Variants in PTPRM observed in about 807,000 individuals in gnomAD.
PTPRM encodes protein tyrosine phosphatase receptor type M, also known as receptor-type tyrosine-protein phosphatase mu.
Under a neutral mutation model 186.7 loss-of-function variants are expected in PTPRM, and 47 were observed. The observed-to-expected ratio is 0.25, with a 90% confidence interval of 0.20 to 0.32. The LOEUF is 0.32. PTPRM is among the 10% of genes least tolerant of loss of function. PTPRM has a pLI of 1.00. For synonymous variants in PTPRM, 668 were observed against 674.9 expected, an observed-to-expected ratio of 0.99 and a Z score of 0.16; for missense variants, 1,494 against 1,865.0, an observed-to-expected ratio of 0.80 and a Z score of 3.66.
At chr18:7,727,318 T>G (rs73939351) in intron 1 of PTPRM, among the ~76,000 whole-genome samples, 4,140 of 152,272 alleles carry the variant, frequency 0.027, 176 homozygotes, top group African/African-American at 0.094. Flanking sequence ...TACACATGCA[T>G]TATATTTTCA....
chr18:8,401,705 C>T (rs1036859998), intron 32 of PTPRM, among the ~76,000 whole-genome samples: 3 of 152,224 alleles, frequency 2.0e-5, no homozygotes, highest in African/African-American at 7.2e-5. Context: ...CGACAAGGCT[C>T]GGGCCCCTGA....
chr18:8,370,299 C>T (rs761863125), intron 23 of PTPRM, among the ~76,000 whole-genome samples: 2 of 152,080 alleles, frequency 1.3e-5, no homozygotes, highest in Non-Finnish European at 2.9e-5. Flanking sequence ...ATGCAAAATT[C>T]TTCCACCTGA....
At chr18:8,378,593 C>T (rs2095711142) in intron 27 of PTPRM, among the ~76,000 whole-genome samples, 179 bp downstream of exon 27, 1 of 152,144 alleles carries the variant, frequency 6.6e-6, no homozygotes, top group African/African-American at 2.4e-5. Flanking sequence ...ATCACCACCA[C>T]ACAAAAATGT....
intron 7 of PTPRM, among the ~76,000 whole-genome samples, chr18:7,995,057 A>G (rs968335671): frequency 2.0e-5 from 3 of 152,032 alleles, no homozygotes; most frequent in African/African-American, 7.2e-5. Context: ...AAGATAAAAT[A>G]GATAAACCTT....
chr18:7,676,958 A>G (rs1243395159), intron 1 of PTPRM, among the ~76,000 whole-genome samples: 1 of 152,206 alleles, frequency 6.6e-6, no homozygotes, highest in African/African-American at 2.4e-5. Flanking sequence ...GAAGTCACTG[A>G]TAAGCCAAGA....
At chr18:8,335,411 CT>C (rs929517618) in intron 22 of PTPRM, among the ~76,000 whole-genome samples, 1 of 152,212 alleles carries the variant, frequency 6.6e-6, no homozygotes. Flanking sequence ...GGCCTTCAGA[CT>C]TTTCTTCTTG....
intron 5 of PTPRM, among the ~76,000 whole-genome samples, chr18:7,945,079 G>T (rs564604137): frequency 1.3e-5 from 2 of 152,270 alleles, no homozygotes; most frequent in Admixed American, 1.3e-4. Context: ...AGAGGGACCA[G>T]TGGCTTTATG....
At chr18:8,198,863 T>C (rs949731523) in intron 14 of PTPRM, among the ~76,000 whole-genome samples, 1 of 152,108 alleles carries the variant, frequency 6.6e-6, no homozygotes, top group Admixed American at 6.5e-5. Context: ...ATTAAGGTGA[T>C]ATATTTAACT....
At chr18:7,629,050 T>A (rs144479176) in intron 1 of PTPRM, among the ~76,000 whole-genome samples, 101 of 152,302 alleles carry the variant, frequency 6.6e-4, no homozygotes, top group African/African-American at 2.2e-3. Flanking sequence ...ATGGAACCAC[T>A]TACACTGATA....
intron 14 of PTPRM, among the ~76,000 whole-genome samples, chr18:8,219,328 G>T (rs796484281): frequency 6.6e-6 from 1 of 152,024 alleles, no homozygotes; most frequent in African/African-American, 2.4e-5. Flanking sequence ...TTAGCCGGGC[G>T]TGGTGGAGGA....
chr18:8,293,719 C>T (rs989965864), intron 19 of PTPRM, among the ~76,000 whole-genome samples: 1 of 152,096 alleles, frequency 6.6e-6, no homozygotes, highest in Non-Finnish European at 1.5e-5. Flanking sequence ...GAGTATCTGA[C>T]TTTAAAATCC....
At position 7,955,233 on chromosome 18, in the gene PTPRM, G is replaced by A. The variant is rs1309037397; in HGVS notation, c.951G>A (p.Glu317=). Residue 317 remains glutamate (E), a synonymous_variant, in exon 7 of 33, where the codon GAG becomes GAA. Coordinates refer to ENST00000580170, the MANE Select transcript of PTPRM (RefSeq NM_001105244.2). ...GGGATGGGCCCATTGTGGCCCGAGAGGTGGAGTACTGCACGGCCAGTGGGA... is the reference window on the plus strand; with the variant it reads ...GGGATGGGCCCATTGTGGCCCGAGAAGTGGAGTACTGCACGGCCAGTGGGA... ...INGDGPIVAR[E]VEYCTASGSW... The A allele has an allele frequency of 2.5e-6, 4 of 1,614,168 alleles. No homozygotes were observed. Among genetic ancestry groups the A allele is most frequent in the East Asian group, 2.2e-5 (1 of 44,862 alleles).
At chr18:8,230,265 CAG>C (rs2094269762) in intron 14 of PTPRM, among the ~76,000 whole-genome samples, 1 of 152,180 alleles carries the variant, frequency 6.6e-6, no homozygotes, top group Non-Finnish European at 1.5e-5. Flanking sequence ...GAATGAAGAA[CAG>C]AGAGTGGCTG....
rs1173209285 is a variant in PTPRM, at chr18:8,376,313, C to T, written c.3326+113C>T. 6 of 1,532,408 alleles carry T rather than the reference C, an allele frequency of 3.9e-6. No individual in the cohort carries two copies. In the East Asian group the frequency reaches 1.2e-4, roughly 30 times the overall value. The allele number at this position is 1,532,408 out of a possible 1,614,324, so 94.9% of individuals were successfully genotyped here. On this transcript the variant is annotated intron_variant, in intron 25 of 32. Transcript: ENST00000580170. The stretch of plus-strand genomic sequence containing the variant: ...CTTCAGAGGGGTGATGATTGCACAA[C>T]ATTTTGGGAGCACTAAATGCCACTG...
intron 7 of PTPRM, among the ~76,000 whole-genome samples, chr18:7,995,043 T>G (rs1366048113): frequency 1.3e-5 from 2 of 151,900 alleles, no homozygotes; most frequent in East Asian, 3.8e-4. Context: ...TTTGGTTTTC[T>G]GAAAAGATAA....
At chr18:7,903,327 C>G (rs1185360345) in intron 3 of PTPRM, among the ~76,000 whole-genome samples, 6 of 152,206 alleles carry the variant, frequency 3.9e-5, no homozygotes, top group Non-Finnish European at 8.8e-5. Flanking sequence ...CACCCATGCT[C>G]TTGGGTAGCT....
chr18:8,183,243 T>C (rs2093600663), intron 14 of PTPRM, among the ~76,000 whole-genome samples: 1 of 152,232 alleles, frequency 6.6e-6, no homozygotes, highest in Non-Finnish European at 1.5e-5. Context: ...TGATTAAAAA[T>C]ATTTAACTCT....
At chr18:7,705,279 T>TTATCTATC (rs67662119) in intron 1 of PTPRM, among the ~76,000 whole-genome samples, 2,679 of 146,580 alleles carry the variant, frequency 0.018, 27 homozygotes, top group Non-Finnish European at 0.021. Flanking sequence ...AAATATCTAT[T>TTATCTATC]TATCTATCTA....
intron 14 of PTPRM, among the ~76,000 whole-genome samples, chr18:8,171,775 A>G: frequency 6.6e-6 from 1 of 152,090 alleles, no homozygotes; most frequent in Non-Finnish European, 1.5e-5. Context: ...GGTCCAGTCA[A>G]CCCATCATAA....
Sources: gnomAD v4.1 joint callset for allele counts (sites outside exome capture counted in the v4.1 genomes callset) on GRCh38, gnomAD v4.1.1 for gene constraint, MANE v1.5 for transcripts, NCBI Gene and HGNC (gene_info 2026-07-23, HGNC 2026-07-21) for gene names.